Variants in ARL2 observed in about 807,000 individuals in gnomAD.
ARL2 encodes ADP-ribosylation factor-like protein 2.
In ARL2, 11 loss-of-function variants were observed where a neutral mutation model predicts 22.0. The observed-to-expected ratio is 0.50, with a 90% CI of 0.31 to 0.83. ARL2 has a LOEUF of 0.83. ARL2 is among the 40% of genes least tolerant of loss of function. ARL2 has a pLI of 0.04. For missense variants in ARL2, 216 were observed against 243.2 expected (o/e 0.89, Z 0.74); for synonymous variants, 111 against 100.8 (o/e 1.10, Z -0.61).
Position 65,022,093 on chromosome 11 carries a change from A to T in ARL2, c.*238A>T, listed in dbSNP as rs1000707187. 3 of 552,716 alleles carry T rather than the reference A, an allele frequency of 5.4e-6. No individual in the cohort carries two copies. The highest frequency in any genetic ancestry group is 9.6e-6 in the Non-Finnish European group (3 of 313,986). 34.2% of individuals were successfully genotyped at this position (552,716 alleles called of 1,614,324 possible). ...CCTTTGGCTACCATACCAAGAAGAGAGGGCTGGGCGGGGAGGAGCTGCTAC... is the reference window on the plus strand; with the variant it reads ...CCTTTGGCTACCATACCAAGAAGAGTGGGCTGGGCGGGGAGGAGCTGCTAC... On this transcript the variant is annotated 3_prime_UTR_variant, in exon 5 of 5. Coordinates refer to ENST00000246747, the MANE Select transcript of ARL2 (RefSeq NM_001667.4).
Position 65,021,950 on chromosome 11 carries a change from A to G in ARL2, c.*95A>G. 6.9e-7 allele frequency: 1 copy of G among 1,455,334 alleles called. No individual in the cohort carries two copies. Among genetic ancestry groups the G allele is most frequent in the Non-Finnish European group, 9.2e-7 (1 of 1,084,824 alleles). 90.2% of individuals were successfully genotyped at this position (1,455,334 alleles called of 1,614,324 possible). A position where few individuals can be genotyped will look rare whatever the true frequency, so the allele number is the denominator to read the frequency against. ...TTGGGAGTCAGCCGGCCAAACTAAC[A>G]CTCCCCCTCCTCCACCCCAGCCTGC... On this transcript the variant is annotated 3_prime_UTR_variant, in exon 5 of 5. Coordinates refer to ENST00000246747, the MANE Select transcript of ARL2 (RefSeq NM_001667.4).
Position 65,021,953 on chromosome 11 carries a change from C to T in ARL2, c.*98C>T. On this transcript the variant is annotated 3_prime_UTR_variant, in exon 5 of 5. Transcript: ENST00000246747. ...GGAGTCAGCCGGCCAAACTAACACT[C>T]CCCCTCCTCCACCCCAGCCTGCTGC... The T allele has an allele frequency of 6.8e-7, 1 of 1,479,040 alleles. No homozygotes were observed. The highest frequency in any genetic ancestry group is 2.4e-5 in the East Asian group (1 of 41,874). The allele number at this position is 1,479,040 out of a possible 1,614,324, so 91.6% of individuals were successfully genotyped here. A position where few individuals can be genotyped will look rare whatever the true frequency, so the allele number is the denominator to read the frequency against.
chr11:65,020,869 CAAAAAAA>C (rs58186585), intron 4 of ARL2, among the ~76,000 whole-genome samples: 3 of 68,100 alleles, frequency 4.4e-5, no homozygotes, highest in Non-Finnish European at 9.6e-5. Context: ...GACTTCGTCT[CAAAAAAA>C]AAAAAAAAAA....
intron 1 of ARL2, among the ~76,000 whole-genome samples, 162 bp downstream of exon 1, chr11:65,014,434 C>A (rs2136898549): frequency 6.6e-6 from 1 of 152,310 alleles, no homozygotes; most frequent in Admixed American, 6.5e-5. Context: ...CCGGGAGGAG[C>A]CGCACCCCAG....
In ARL2 at chr11:65,018,684, A is replaced by G; in HGVS notation, c.290A>G (p.Gln97Arg). The change falls in exon 3 of 5, where the codon CAG becomes CGG. Residue 97 changes from glutamine to arginine, a missense_variant. Gln to Arg is a conservative substitution (Grantham distance 43). Transcript: ENST00000246747. This position sits in a 1 kb window ranked among gnomAD's most constrained non-coding sequence, Gnocchi z 4.2. ...LIWVVDSADRQRMQDCQRELQ... is the reference protein window; with the variant it reads ...LIWVVDSADRRRMQDCQRELQ... Reference sequence around the variant, plus strand: ...TGGGTAGTGGACAGCGCAGACCGCCAGCGCATGCAGGACTGCCAGCGGGAG... The same window carrying G: ...TGGGTAGTGGACAGCGCAGACCGCCGGCGCATGCAGGACTGCCAGCGGGAG... 1 of 1,614,236 alleles carries G rather than the reference A, an allele frequency of 6.2e-7. No homozygotes were observed. Among genetic ancestry groups the G allele is most frequent in the Non-Finnish European group, 8.5e-7 (1 of 1,180,044 alleles).
intron 1 of ARL2, among the ~76,000 whole-genome samples, chr11:65,015,455 T>C (rs1946239644): frequency 6.6e-6 from 1 of 152,222 alleles, no homozygotes; most frequent in African/African-American, 2.4e-5. Flanking sequence ...AAGCATACAG[T>C]TCACTCATTT....
chr11:65,020,318 C>A (rs1449338260), intron 3 of ARL2, 101 bp from the exon 4 acceptor site: 6 of 1,017,032 alleles, frequency 5.9e-6, no homozygotes, highest in African/African-American at 3.2e-5. Flanking sequence ...TCACCTTGAT[C>A]TTCCAGGTCG....
At position 65,014,166 on chromosome 11, in the gene ARL2, G is replaced by C; in HGVS notation, c.-42G>C. On this transcript the variant is annotated 5_prime_UTR_variant, in exon 1 of 5. Transcript: ENST00000246747. ...AACAGGAACCGGGAGCGGGGTCCCG[G>C]GACTGGGAAGAAACGGCGGCCGGGA... 6.7e-7 allele frequency: 1 copy of C among 1,494,736 alleles called. No homozygotes were observed. Among genetic ancestry groups the C allele is most frequent in the Non-Finnish European group, 9.0e-7 (1 of 1,108,992 alleles). 92.6% of individuals were successfully genotyped at this position (1,494,736 alleles called of 1,614,324 possible).
At chr11:65,021,413 G>A in intron 4 of ARL2, 1 of 319,890 alleles carries the variant, frequency 3.1e-6, no homozygotes, top group Non-Finnish European at 5.8e-6. Flanking sequence ...ATGAGGGCTT[G>A]AGGAGAATGA....
chr11:65,018,919 G>A lies in ARL2; in HGVS notation c.339+186G>A, dbSNP rs993786331. Reference sequence around the variant, plus strand: ...TGCTGTGGACTGAGATTGAGTTAACGTCCCTGTGGTGTTACTACGTCACTA... The same window carrying A: ...TGCTGTGGACTGAGATTGAGTTAACATCCCTGTGGTGTTACTACGTCACTA... On this transcript the variant is annotated intron_variant, in intron 3 of 4. Transcript: ENST00000246747. The surrounding 1 kb of genome is among the most constrained non-coding windows in gnomAD (Gnocchi z 4.2). The A allele has an allele frequency of 3.7e-5, 56 of 1,531,294 alleles. No individual in the cohort carries two copies. Among genetic ancestry groups the A allele is most frequent in the Non-Finnish European group, 4.7e-5 (54 of 1,144,450 alleles). 94.9% of individuals were successfully genotyped at this position (1,531,294 alleles called of 1,614,324 possible).
At chr11:65,016,178 G>A (rs1288451347) in intron 1 of ARL2, among the ~76,000 whole-genome samples, 1 of 139,090 alleles carries the variant, frequency 7.2e-6, no homozygotes, top group Non-Finnish European at 1.5e-5. Flanking sequence ...TTGCAGTCCA[G>A]CCTGGGTGAC....
rs184873330 is a variant in ARL2 at position 65,014,251 on chromosome 11, G to A, written c.44G>A (p.Arg15Gln). The change falls in exon 1 of 5, where the codon CGG (arginine) becomes CAG (glutamine). Residue 15 changes from arginine (R) to glutamine (Q), a missense_variant. By Grantham distance (43) the Arg-to-Gln change is conservative. Coordinates refer to ENST00000246747, the MANE Select transcript of ARL2 (RefSeq NM_001667.4). ...TILKKMKQKERELRLLMLGLD... is the reference protein window; with the variant it reads ...TILKKMKQKEQELRLLMLGLD... ...CTGAAGAAGATGAAGCAGAAAGAGC[G>A]GGAGCTGCGACTGCTCATGCTGTAT... is the stretch of plus-strand genomic sequence containing the variant. 2 of 1,574,614 alleles carry A rather than the reference G, an allele frequency of 1.3e-6. No individual in the cohort carries two copies. Among genetic ancestry groups the A allele is most frequent in the African/African-American group, 1.4e-5 (1 of 71,130 alleles).
rs1256603559 is a variant in ARL2, at chr11:65,018,588, G to A, written c.194G>A (p.Trp65Ter). 1 of 1,611,350 alleles carries A rather than the reference G, an allele frequency of 6.2e-7. No individual in the cohort carries two copies. Among genetic ancestry groups the A allele is most frequent in the African/African-American group, 1.3e-5 (1 of 75,024 alleles). ...TTGCCCAGATTCAAGCTGAACATCT[G>A]GGATGTGGGTGGCCAGAAGTCCCTG... Reference protein sequence around the residue: ...LEHRGFKLNIWDVGGQKSLRS... With the variant: ...LEHRGFKLNI Residue 65 changes from tryptophan (W) to a stop codon, truncating the protein, a stop_gained, in exon 3 of 5, where the codon TGG (tryptophan) becomes TAG (stop). Transcript: ENST00000246747. LOFTEE classifies it high-confidence loss of function. This position sits in a 1 kb window ranked among gnomAD's most constrained non-coding sequence, Gnocchi z 4.2.
At position 65,018,531 on chromosome 11, in the gene ARL2, G is replaced by C; in HGVS notation, c.177-40G>C. The C allele has an allele frequency of 6.2e-7, 1 of 1,601,564 alleles. No homozygotes were observed. Among genetic ancestry groups the C allele is most frequent in the Non-Finnish European group, 8.5e-7 (1 of 1,173,764 alleles). Reference sequence around the variant, plus strand: ...AGAGCAGGGCAGGGAAGGTGGGAGAGGGGCCCAGCTGACCCTCCTGTCACC... The same window carrying C: ...AGAGCAGGGCAGGGAAGGTGGGAGACGGGCCCAGCTGACCCTCCTGTCACC... On this transcript the variant is annotated intron_variant, in intron 2 of 4. Transcript: ENST00000246747. The surrounding 1 kb of genome is among the most constrained non-coding windows in gnomAD (Gnocchi z 4.2).
At position 65,018,415 on chromosome 11, in the gene ARL2, G is replaced by A. The variant is rs1045806113; in HGVS notation, c.117G>A (p.Glu39=). Residue 39 remains glutamate, a synonymous_variant, in exon 2 of 5, where the codon GAG becomes GAA. Transcript: ENST00000246747. This position sits in a 1 kb window ranked among gnomAD's most constrained non-coding sequence, Gnocchi z 4.2. ...CCATCCTGAAGAAGTTCAATGGGGA[G>A]GACATCGACACCATCTCCCCAACGC... is the stretch of plus-strand genomic sequence containing the variant. ...KTTILKKFNG[E]DIDTISPTLG... is the part of the protein sequence containing the mutation. The A allele has an allele frequency of 6.2e-7, 1 of 1,609,860 alleles. No individual in the cohort carries two copies. The highest frequency in any genetic ancestry group is 2.2e-5 in the East Asian group (1 of 44,808).
chr11:65,018,527 G>C lies in ARL2; in HGVS notation c.177-44G>C. 6.2e-7 allele frequency: 1 copy of C among 1,602,012 alleles called. No individual in the cohort carries two copies. The highest frequency in any genetic ancestry group is 1.3e-5 in the African/African-American group (1 of 74,882). On this transcript the variant is annotated intron_variant, in intron 2 of 4. Transcript: ENST00000246747. This position sits in a 1 kb window ranked among gnomAD's most constrained non-coding sequence, Gnocchi z 4.2. The stretch of plus-strand genomic sequence containing the variant: ...GCCCAGAGCAGGGCAGGGAAGGTGG[G>C]AGAGGGGCCCAGCTGACCCTCCTGT...
chr11:65,018,555 C>T lies in ARL2; in HGVS notation c.177-16C>T, dbSNP rs201379160. On this transcript the variant is annotated splice_polypyrimidine_tract_variant and intron_variant, in intron 2 of 4. Transcript: ENST00000246747. The surrounding 1 kb of genome is among the most constrained non-coding windows in gnomAD (Gnocchi z 4.2). ...AGGGGCCCAGCTGACCCTCCTGTCA[C>T]CCGCTCCTTGCCCAGATTCAAGCTG... The T allele has an allele frequency of 2.5e-6, 4 of 1,604,520 alleles. No homozygotes were observed. In the East Asian group the frequency reaches 6.7e-5, roughly 27 times the overall value.
intron 3 of ARL2, chr11:65,019,073 C>G (rs1197624592): frequency 1.5e-6 from 1 of 680,026 alleles, no homozygotes; most frequent in South Asian, 1.8e-5. Context: ...GAGTCTGACT[C>G]TTTGCTGTGT....
In ARL2 at chr11:65,018,979, A is replaced by G. The variant is rs187820737; in HGVS notation, c.339+246A>G. 12 of 1,464,480 alleles carry G rather than the reference A, an allele frequency of 8.2e-6. No homozygotes were observed. In the East Asian group the frequency reaches 3.1e-4, roughly 37 times the overall value. 90.7% of individuals were successfully genotyped at this position (1,464,480 alleles called of 1,614,324 possible). A position where few individuals can be genotyped will look rare whatever the true frequency, so the allele number is the denominator to read the frequency against. On this transcript the variant is annotated intron_variant, in intron 3 of 4. Coordinates refer to ENST00000246747, the MANE Select transcript of ARL2 (RefSeq NM_001667.4). The surrounding 1 kb of genome is among the most constrained non-coding windows in gnomAD (Gnocchi z 4.2). ...TCAGTTTCTATGCCTTGAAATGGTG[A>G]TGATGACACCCACATCACTGGGCTT...
Sources: gnomAD v4.1 joint callset for allele counts (sites outside exome capture counted in the v4.1 genomes callset) on GRCh38, gnomAD v4.1.1 for gene constraint, Gnocchi (gnomAD v3.1) non-coding constraint, MANE v1.5 for transcripts, NCBI Gene and HGNC (gene_info 2026-07-23, HGNC 2026-07-21) for gene names.